Variants in LAMA3 observed in about 807,000 individuals in gnomAD.
LAMA3 encodes laminin subunit alpha-3.
Under a neutral mutation model 402.0 loss-of-function variants are expected in LAMA3, and 281 were observed. The ratio of observed to expected loss-of-function variants is 0.70; its 90% confidence interval spans 0.63 to 0.77. The LOEUF is 0.77. Ranked by LOEUF, LAMA3 falls within the 30% of genes least tolerant of loss-of-function variation. LAMA3 has a pLI of 0.00. For synonymous variants in LAMA3, 1,431 were observed against 1,558.4 expected, an observed-to-expected ratio of 0.92 and a Z score of 1.93; for missense variants, 3,840 against 4,215.5, an observed-to-expected ratio of 0.91 and a Z score of 2.47.
At chr18:23,770,752 C>T (rs902720961) in intron 8 of LAMA3, among the ~76,000 whole-genome samples, 1 of 152,124 alleles carries the variant, frequency 6.6e-6, no homozygotes, top group Admixed American at 6.5e-5. Context: ...CAGAGCGAGA[C>T]TCTGTCTCAA....
intron 14 of LAMA3, 146 bp from the exon 15 acceptor site, chr18:23,814,257 T>C: frequency 1.5e-6 from 1 of 678,808 alleles, no homozygotes; most frequent in Non-Finnish European, 2.7e-6. Flanking sequence ...ACTGTTGAAA[T>C]CAACCCAGTA....
At chr18:23,823,140 C>T (rs2063319707) in intron 20 of LAMA3, among the ~76,000 whole-genome samples, 2 of 152,156 alleles carry the variant, frequency 1.3e-5, no homozygotes. Context: ...TTGTGTCAAC[C>T]CAACTTGCGT....
intron 11 of LAMA3, among the ~76,000 whole-genome samples, chr18:23,782,878 T>C (rs2062464915): frequency 6.6e-6 from 1 of 152,132 alleles, no homozygotes. Flanking sequence ...TTGAGCAATA[T>C]TTATTTCCCA....
intron 30 of LAMA3, among the ~76,000 whole-genome samples, chr18:23,845,356 G>A (rs577022399): frequency 2.6e-5 from 4 of 152,336 alleles, no homozygotes; most frequent in East Asian, 3.9e-4. Context: ...TGAACTCAAC[G>A]GGGGTCCGTA....
Position 23,904,679 on chromosome 18 carries a change from T to A in LAMA3, c.6600T>A (p.Ser2200=). The change falls in exon 51 of 75, where the codon TCT becomes TCA. Residue 2200 remains serine, a synonymous_variant. Transcript: ENST00000313654. ...CAGCCAACAGGGCTGCCAGTGCATCTGAATCTGCCCTCCAGGTGGGCACCT... is the reference window on the plus strand; with the variant it reads ...CAGCCAACAGGGCTGCCAGTGCATCAGAATCTGCCCTCCAGGTGGGCACCT... ...EDAANRAASA[S]ESALQTVIKE... 6.2e-7 allele frequency: 1 copy of A among 1,614,118 alleles called. No homozygotes were observed. The highest frequency in any genetic ancestry group is 1.1e-5 in the South Asian group (1 of 91,062).
In LAMA3 at chr18:23,690,668, T is replaced by G. The variant is rs371560306; in HGVS notation, c.294+691T>G. ...AGGTCTCAGCCAGGCAAGAGTGCAG[T>G]GGTGCGATCACGGCTCACGGCAGCC... On this transcript the variant is annotated intron_variant, in intron 1 of 74. Transcript: ENST00000313654. 5.3e-3 allele frequency among the ~76,000 whole-genome samples: 798 copies of G among 151,998 alleles called. 4 individuals carry two copies. The highest frequency in any genetic ancestry group is 0.044 in the Middle Eastern group (13 of 294).
chr18:23,946,505 G>C (rs1370322934), intron 70 of LAMA3: 2 of 574,610 alleles, frequency 3.5e-6, no homozygotes, highest in African/African-American at 1.9e-5. Context: ...GCCCTGAAAG[G>C]GTGAAGATAG....
intron 52 of LAMA3, 26 bp downstream of exon 52, chr18:23,905,650 G>A (rs559534416): frequency 1.5e-6 from 2 of 1,332,878 alleles, no homozygotes; most frequent in South Asian, 1.2e-5. Flanking sequence ...GGCAATGGCA[G>A]GGATAGTCAG....
Position 23,814,458 on chromosome 18 carries a change from T to C in LAMA3, c.1844T>C (p.Leu615Pro). 1 of 1,613,984 alleles carries C rather than the reference T, an allele frequency of 6.2e-7. No individual in the cohort carries two copies. The highest frequency in any genetic ancestry group is 8.5e-7 in the Non-Finnish European group (1 of 1,179,846). The change falls in exon 15 of 75, where the codon CTG (leucine) becomes CCG (proline). Residue 615 changes from leucine to proline, a missense_variant. Leu to Pro is a moderately conservative substitution (Grantham distance 98). Transcript: ENST00000313654. Reference protein sequence around the residue: ...VEGPTCSRCKLLYWNLDKENP... With the variant: ...VEGPTCSRCKPLYWNLDKENP... ...GGTCCTACTTGTAGCCGCTGCAAACTGTTATATTGGAATCTGGACAAAGAA... is the reference window on the plus strand; with the variant it reads ...GGTCCTACTTGTAGCCGCTGCAAACCGTTATATTGGAATCTGGACAAAGAA...
rs12604757 is a variant in LAMA3, at chr18:23,758,099, G to A, written c.948-297G>A. ...ACAATGGGGTAGAGAAGACAGAGCT[G>A]GGGCCTCAGAGCCAAGTGAGGTTGG... On this transcript the variant is annotated intron_variant, in intron 6 of 74. Coordinates refer to ENST00000313654, the MANE Select transcript of LAMA3 (RefSeq NM_198129.4). 6.7e-3 allele frequency among the ~76,000 whole-genome samples: 1,014 copies of A among 152,298 alleles called. 23 individuals carry two copies. Among genetic ancestry groups the A allele is most frequent in the East Asian group, 0.049 (256 of 5,184 alleles).
chr18:23,767,899 G>T (rs529645901), intron 8 of LAMA3, among the ~76,000 whole-genome samples: 1 of 152,068 alleles, frequency 6.6e-6, no homozygotes, highest in African/African-American at 2.4e-5. Flanking sequence ...TTCAATAAAT[G>T]GTGCTAAGAT....
chr18:23,767,143 T>C (rs1322313375), intron 8 of LAMA3, among the ~76,000 whole-genome samples: 1 of 151,876 alleles, frequency 6.6e-6, no homozygotes, highest in Non-Finnish European at 1.5e-5. Flanking sequence ...AAAGCCCAAA[T>C]CTAGGAATAC....
intron 7 of LAMA3, among the ~76,000 whole-genome samples, chr18:23,758,816 C>T (rs1463753822): frequency 6.6e-6 from 1 of 152,142 alleles, no homozygotes; most frequent in African/African-American, 2.4e-5. Flanking sequence ...AAAATTTTAA[C>T]ATCTTATCCA....
At position 23,751,036 on chromosome 18, in the gene LAMA3, T is replaced by G. The variant is rs762473260; in HGVS notation, c.803T>G (p.Leu268Arg). 6.2e-7 allele frequency: 1 copy of G among 1,614,180 alleles called. No homozygotes were observed. The highest frequency in any genetic ancestry group is 8.5e-7 in the Non-Finnish European group (1 of 1,180,026). Residue 268 changes from leucine to arginine, a missense_variant, in exon 5 of 75, where the codon CTT (leucine) becomes CGT (arginine). Physicochemically the swap from Leu to Arg is moderately radical, Grantham distance 102 (BLOSUM62 -2). This residue lies in a region of LAMA3 where 2,109 missense variants were observed against 2,376.0 expected (regional missense o/e 0.89). Transcript: ENST00000313654. ...TTGCGTTTTCTTAGAACCAATACGC[T>G]TCTTGGACACCTCATCTCCAAAGCC... Reference protein sequence around the residue: ...IRLRFLRTNTLLGHLISKAQR... With the variant: ...IRLRFLRTNTRLGHLISKAQR...
chr18:23,715,912 C>T (rs2226835), intron 2 of LAMA3, among the ~76,000 whole-genome samples: 71,006 of 151,930 alleles, frequency 0.47, 18,925 homozygotes, highest in Non-Finnish European at 0.61. Context: ...CTTTTCATTT[C>T]GATTGGGCAG....
chr18:23,861,520 G>T, intron 34 of LAMA3, 126 bp from the exon 35 acceptor site: 2 of 974,370 alleles, frequency 2.1e-6, no homozygotes, highest in Non-Finnish European at 1.6e-6. Flanking sequence ...AGGAGTAGAC[G>T]CATAAAGGAG....
intron 1 of LAMA3, among the ~76,000 whole-genome samples, chr18:23,713,365 G>A (rs1471933291): frequency 6.6e-6 from 1 of 152,186 alleles, no homozygotes; most frequent in Non-Finnish European, 1.5e-5. Flanking sequence ...CGTCCTCCCA[G>A]GCACTGGACA....
rs1025173160 is a variant in LAMA3, at chr18:23,822,323, T to C, written c.2376T>C (p.Val792=). The C allele has an allele frequency of 6.8e-6, 11 of 1,613,714 alleles. No homozygotes were observed. Among genetic ancestry groups the C allele is most frequent in the Non-Finnish European group, 8.5e-6 (10 of 1,179,710 alleles). Reference sequence around the variant, plus strand: ...TGTTTCGTGTTATTCTGAGATACGTTAACCCTGGAACTGAAGCAGTATCTG... The same window carrying C: ...TGTTTCGTGTTATTCTGAGATACGTCAACCCTGGAACTGAAGCAGTATCTG... The part of the protein sequence containing the change: ...GSLFRVILRY[V]NPGTEAVSGH... Residue 792 remains valine (V), a synonymous_variant, in exon 20 of 75, where the codon GTT becomes GTC. Coordinates refer to ENST00000313654, the MANE Select transcript of LAMA3 (RefSeq NM_198129.4).
At chr18:23,814,372 T>G in intron 14 of LAMA3, 31 bp from the exon 15 acceptor site, 1 of 1,438,104 alleles carries the variant, frequency 7.0e-7, no homozygotes, top group Non-Finnish European at 9.8e-7. Context: ...AATTCCAAGA[T>G]GTCAAATGTT....
Sources: gnomAD v4.1 joint callset for allele counts (sites outside exome capture counted in the v4.1 genomes callset) on GRCh38, gnomAD v4.1.1 for gene constraint, gnomAD v4.1.1 regional missense constraint, MANE v1.5 for transcripts, NCBI Gene and HGNC (gene_info 2026-07-23, HGNC 2026-07-21) for gene names.